Variants in NIPA2 observed in about 807,000 individuals in gnomAD.
NIPA2 encodes NIPA magnesium transporter 2, also known as magnesium transporter NIPA2.
Under a neutral mutation model 29.7 loss-of-function variants are expected in NIPA2, and 11 were observed. That is an observed-to-expected ratio of 0.37 (90% CI 0.23 to 0.61). The LOEUF (loss-of-function observed/expected upper bound fraction) is 0.61, where lower values mean the gene tolerates loss of function less well. NIPA2 is among the 20% of genes least tolerant of loss of function. The pLI is 0.66. For missense variants in NIPA2, 426 were observed against 437.9 expected, an observed-to-expected ratio of 0.97 and a Z score of 0.24; for synonymous variants, 183 against 161.9, an observed-to-expected ratio of 1.13 and a Z score of -0.99.
At chr15:22,843,949 G>A (rs1376435763) in intron 2 of NIPA2, among the ~76,000 whole-genome samples, 1 of 152,098 alleles carries the variant, frequency 6.6e-6, no homozygotes, top group Non-Finnish European at 1.5e-5. Context: ...CTCCCACCTC[G>A]GCCTCCCAAG....
chr15:22,864,575 C>A (rs2058848826), intron 7 of NIPA2, among the ~76,000 whole-genome samples: 1 of 152,162 alleles, frequency 6.6e-6, no homozygotes, highest in South Asian at 2.1e-4. Context: ...TGCCTGGAGG[C>A]ATGGTTGACC....
At chr15:22,858,669 T>C in intron 6 of NIPA2, 39 bp downstream of exon 6, 1 of 1,251,406 alleles carries the variant, frequency 8.0e-7, no homozygotes, top group Non-Finnish European at 1.1e-6. Context: ...GTAGTCGGTA[T>C]CTTAGTTTCT....
rs1348907760 is a variant in NIPA2, at chr15:22,866,451, G to A, written c.687G>A (p.Val229=). The A allele has an allele frequency of 1.2e-6, 2 of 1,614,116 alleles. No homozygotes were observed. The highest frequency in any genetic ancestry group is 1.3e-5 in the African/African-American group (1 of 75,012). Reference sequence around the variant, plus strand: ...TGCTGCTGAGCCTCATCGTCTGTGTGAGCACACAGATTAATTACCTAAATA... The same window carrying A: ...TGCTGCTGAGCCTCATCGTCTGTGTAAGCACACAGATTAATTACCTAAATA... ...WILLLSLIVC[V]STQINYLNRA... Residue 229 remains valine (V), a synonymous_variant, in exon 8 of 8, where the codon GTG becomes GTA. Coordinates refer to ENST00000337451, the MANE Select transcript of NIPA2 (RefSeq NM_030922.7).
chr15:22,857,610 G>A (rs2058282515), intron 5 of NIPA2, among the ~76,000 whole-genome samples: 1 of 151,834 alleles, frequency 6.6e-6, no homozygotes, highest in South Asian at 2.1e-4. Flanking sequence ...GCTGAGGTGG[G>A]TGGATCATTT....
chr15:22,861,478 AGAG>A (rs1315349382), intron 7 of NIPA2, among the ~76,000 whole-genome samples: 1 of 152,156 alleles, frequency 6.6e-6, no homozygotes, highest in African/African-American at 2.4e-5. Context: ...GTGTCACTCT[AGAG>A]GAGACAAGAA....
intron 6 of NIPA2, among the ~76,000 whole-genome samples, chr15:22,860,160 A>G (rs1879613306): frequency 6.6e-6 from 1 of 151,748 alleles, no homozygotes; most frequent in Non-Finnish European, 1.5e-5. Flanking sequence ...CTGGGATTAC[A>G]GGATGCCCGC....
At chr15:22,840,152 C>G (rs1896626215) in intron 2 of NIPA2, among the ~76,000 whole-genome samples, 1 of 152,042 alleles carries the variant, frequency 6.6e-6, no homozygotes, top group East Asian at 1.9e-4. Flanking sequence ...TAATTCTGGA[C>G]TTAAGCGATC....
At chr15:22,856,268 A>C (rs978836783) in intron 5 of NIPA2, among the ~76,000 whole-genome samples, 9 of 152,346 alleles carry the variant, frequency 5.9e-5, no homozygotes, top group African/African-American at 2.2e-4. Flanking sequence ...CCAGAAGGAA[A>C]TAAAGCTAAA....
Position 22,853,634 on chromosome 15 carries a change from G to A in NIPA2, c.196+366G>A, listed in dbSNP as rs1056682932. Among the ~76,000 whole-genome samples the A allele has an allele frequency of 1.4e-4, 22 of 151,764 alleles. 1 individual carries two copies. Among genetic ancestry groups the A allele is most frequent in the Admixed American group, 1.2e-3 (18 of 15,252 alleles). On this transcript the variant is annotated intron_variant, in intron 5 of 7. Coordinates refer to ENST00000337451, the MANE Select transcript of NIPA2 (RefSeq NM_030922.7). Reference sequence around the variant, plus strand: ...CAGGTGATTCACCTGCCTTGCCCTCGCAAAGTGCTGGGATTACAGGCGTGA... The same window carrying A: ...CAGGTGATTCACCTGCCTTGCCCTCACAAAGTGCTGGGATTACAGGCGTGA...
At chr15:22,865,184 G>T (rs1033918872) in intron 7 of NIPA2, among the ~76,000 whole-genome samples, 3 of 149,094 alleles carry the variant, frequency 2.0e-5, no homozygotes, top group Non-Finnish European at 3.0e-5. Context: ...TTGTGTATTT[G>T]TGTCTTTAAT....
Position 22,866,769 on chromosome 15 carries a change from A to AC in NIPA2, c.1005_1006insC (p.Glu336ArgfsTer13), listed in dbSNP as rs780703788. ...TGTATGAAGTTCTTAATAATAATGA[A>AC]GAAAGCTTAACCTGTGGAATCGAAC... On this transcript the variant is annotated frameshift_variant, in exon 8 of 8. Coordinates refer to ENST00000337451, the MANE Select transcript of NIPA2 (RefSeq NM_030922.7). LOFTEE classifies it high-confidence loss of function. 12 of 1,611,688 alleles carry AC rather than the reference A, an allele frequency of 7.4e-6. No homozygotes were observed. The highest frequency in any genetic ancestry group is 1.7e-4 in the Middle Eastern group (1 of 6,044).
At chr15:22,861,647 G>A (rs764384430) in intron 7 of NIPA2, among the ~76,000 whole-genome samples, 26 of 152,102 alleles carry the variant, frequency 1.7e-4, no homozygotes, top group Non-Finnish European at 3.1e-4. Flanking sequence ...GTTTTTGGAA[G>A]CATGTAGGAT....
At chr15:22,839,992 C>G (rs34460553) in intron 2 of NIPA2, among the ~76,000 whole-genome samples, 66,641 of 152,088 alleles carry the variant, frequency 0.44, 16,715 homozygotes, top group Non-Finnish European at 0.56. Flanking sequence ...GCAATCTGGG[C>G]TCACTGCAAC....
At chr15:22,841,006 TAA>T (rs1555377056) in intron 2 of NIPA2, among the ~76,000 whole-genome samples, 2 of 86,082 alleles carry the variant, frequency 2.3e-5, no homozygotes, top group Non-Finnish European at 4.4e-5. Flanking sequence ...CTGCAGAGAA[TAA>T]AAGGTGGGGT....
rs2059129442 is a variant in NIPA2, at chr15:22,866,876, A to ATTGT, written c.*31_*34dup. On this transcript the variant is annotated 3_prime_UTR_variant, in exon 8 of 8. Coordinates refer to ENST00000337451, the MANE Select transcript of NIPA2 (RefSeq NM_030922.7). ...AGGTGTAATTAAAGGTTAATCTGTG[A>ATTGT]TTGTTATGAAGTGAATTTGAATATC... 6.5e-7 allele frequency: 1 copy of ATTGT among 1,541,150 alleles called. No individual in the cohort carries two copies. The highest frequency in any genetic ancestry group is 1.4e-5 in the African/African-American group (1 of 72,700).
intron 2 of NIPA2, among the ~76,000 whole-genome samples, chr15:22,841,571 C>T (rs1016563370): frequency 3.3e-5 from 5 of 152,008 alleles, no homozygotes; most frequent in African/African-American, 1.2e-4. Flanking sequence ...TGCAGCTGTG[C>T]GATCTCGGCT....
chr15:22,853,175 AGTC>A (rs1171543708), intron 4 of NIPA2, 34 bp from the exon 5 acceptor site: 2 of 1,378,760 alleles, frequency 1.5e-6, no homozygotes, highest in East Asian at 4.6e-5. Context: ...AGAGTCTTAC[AGTC>A]TTCCAAAGAT....
At chr15:22,865,403 G>A (rs544497021) in intron 7 of NIPA2, among the ~76,000 whole-genome samples, 6 of 151,850 alleles carry the variant, frequency 4.0e-5, no homozygotes, top group East Asian at 2.0e-4. Flanking sequence ...GGAGAATGGC[G>A]TGAACCCGGG....
intron 3 of NIPA2, 111 bp downstream of exon 3, chr15:22,845,378 C>T (rs1898316580): frequency 6.6e-6 from 1 of 152,064 alleles, no homozygotes; most frequent in South Asian, 2.1e-4. Context: ...ACACATACAC[C>T]CTGGTACAGT....
Sources: allele counts gnomAD v4.1 joint callset (sites outside exome capture counted in the v4.1 genomes callset), GRCh38; gene constraint gnomAD v4.1.1; transcripts MANE v1.5; gene names NCBI Gene and HGNC (gene_info 2026-07-23, HGNC 2026-07-21).